KAZN: variants seen among roughly 807,000 people sequenced by gnomAD.
The protein encoded by KAZN is kazrin.
In KAZN, 40 loss-of-function variants were observed where a neutral mutation model predicts 87.4. That is an observed-to-expected ratio of 0.46 (90% confidence interval 0.36 to 0.60). The LOEUF (loss-of-function observed/expected upper bound fraction) is 0.60, where lower values mean the gene tolerates loss of function less well. Among genes scored for constraint, KAZN ranks in the 20% least tolerant of loss-of-function variants. The pLI, the probability that KAZN is intolerant of heterozygous loss-of-function variation, is 0.00. For synonymous variants in KAZN, 466 were observed against 458.3 expected, an observed-to-expected ratio of 1.02 and a Z score of -0.22; for missense variants, 898 against 1,073.9, an observed-to-expected ratio of 0.84 and a Z score of 2.29.
chr1:15,112,568 G>A, intron 14 of KAZN, 27 bp downstream of exon 14: 1 of 761,114 alleles, frequency 1.3e-6, no homozygotes, highest in South Asian at 1.8e-5. Flanking sequence ...ATTTACCTGT[G>A]AGTCCTGCAG....
chr1:14,134,369 C>T (rs1645059518), intron 1 of KAZN, among the ~76,000 whole-genome samples: 2 of 152,184 alleles, frequency 1.3e-5, no homozygotes, highest in Non-Finnish European at 1.5e-5. Flanking sequence ...TTTCACAGAA[C>T]ATTTACTGTG....
At chr1:14,139,590 T>G (rs1417144) in intron 1 of KAZN, among the ~76,000 whole-genome samples, 84,642 of 152,058 alleles carry the variant, frequency 0.56, 24,966 homozygotes, top group East Asian at 0.72. Context: ...TGACCTGATA[T>G]TTTAGTTATT....
chr1:14,929,174 G>A (rs1335212828), intron 1 of KAZN, among the ~76,000 whole-genome samples: 4 of 152,232 alleles, frequency 2.6e-5, no homozygotes, highest in Admixed American at 6.5e-5. Context: ...TGCTACCCAT[G>A]CCATAAGGAA....
intron 2 of KAZN, among the ~76,000 whole-genome samples, chr1:14,309,470 C>G (rs1328809904): frequency 6.6e-6 from 1 of 152,110 alleles, no homozygotes; most frequent in Non-Finnish European, 1.5e-5. Flanking sequence ...CAGCAGTGGC[C>G]AGGACCAGAT....
intron 2 of KAZN, among the ~76,000 whole-genome samples, chr1:14,452,572 G>C (rs78311377): frequency 0.07 from 10,642 of 152,204 alleles, 593 homozygotes; most frequent in South Asian, 0.11. Flanking sequence ...TATATAGCAA[G>C]TGGCCATTTG....
chr1:14,989,483 GAAAA>G (rs1358337844), intron 2 of KAZN, among the ~76,000 whole-genome samples: 1 of 150,904 alleles, frequency 6.6e-6, no homozygotes, highest in Non-Finnish European at 1.5e-5. Flanking sequence ...TTCAAAAAAA[GAAAA>G]AAGAAAAAGG....
chr1:14,624,528 T>A (rs1283783051), intron 1 of KAZN, among the ~76,000 whole-genome samples: 1 of 152,252 alleles, frequency 6.6e-6, no homozygotes, highest in African/African-American at 2.4e-5. Flanking sequence ...TCTGTCATTA[T>A]GTGCAGAAAT....
At chr1:14,369,673 A>G (rs1050773343) in intron 2 of KAZN, among the ~76,000 whole-genome samples, 6 of 152,198 alleles carry the variant, frequency 3.9e-5, no homozygotes, top group Non-Finnish European at 5.9e-5. Context: ...CGAGGAAGGT[A>G]TTTAGCAAAG....
chr1:14,464,198 C>A (rs1263717651), intron 2 of KAZN, among the ~76,000 whole-genome samples: 1 of 152,168 alleles, frequency 6.6e-6, no homozygotes, highest in African/African-American at 2.4e-5. Flanking sequence ...GAGAGTTGAG[C>A]CAGATCAGAG....
At chr1:14,892,561 G>C (rs1431308094) in intron 1 of KAZN, among the ~76,000 whole-genome samples, 2 of 152,128 alleles carry the variant, frequency 1.3e-5, no homozygotes, top group African/African-American at 4.8e-5. Context: ...TTTTCTACAA[G>C]GTCTGCAAAG....
chr1:14,534,382 C>T (rs1396546368), intron 2 of KAZN, among the ~76,000 whole-genome samples: 1 of 152,176 alleles, frequency 6.6e-6, no homozygotes, highest in Non-Finnish European at 1.5e-5. Flanking sequence ...CAATGACTCA[C>T]GCCTGTAATC....
chr1:14,901,214 C>T (rs890903771), intron 1 of KAZN, among the ~76,000 whole-genome samples: 1 of 152,150 alleles, frequency 6.6e-6, no homozygotes, highest in South Asian at 2.1e-4. Context: ...CTGACGTAGA[C>T]CTGAATGGCA....
chr1:14,401,148 T>G (rs143127924), intron 2 of KAZN, among the ~76,000 whole-genome samples: 496 of 152,194 alleles, frequency 3.3e-3, no homozygotes, highest in African/African-American at 0.012. Flanking sequence ...TTCAAGGAAG[T>G]GATGACACTT....
At chr1:14,019,913 C>T (rs186615706) in intron 1 of KAZN, among the ~76,000 whole-genome samples, 43 of 152,112 alleles carry the variant, frequency 2.8e-4, no homozygotes, top group Non-Finnish European at 4.9e-4. Context: ...TTACATTTAT[C>T]GTACACTTTA....
chr1:14,341,597 C>T (rs900597949), intron 2 of KAZN, among the ~76,000 whole-genome samples: 1 of 152,172 alleles, frequency 6.6e-6, no homozygotes, highest in African/African-American at 2.4e-5. Context: ...TCTCTCCACC[C>T]TGGTTCCTAT....
Position 14,528,358 on chromosome 1 carries a change from A to AAAAG in KAZN, c.250-70617_250-70614dup, listed in dbSNP as rs577721991. Among the ~76,000 whole-genome samples the AAAAG allele has an allele frequency of 4.1e-4, 59 of 142,728 alleles. 1 individual carries two copies. The highest frequency in any genetic ancestry group is 1.5e-3 in the African/African-American group (57 of 39,192). The allele number at this position is 142,728 out of a possible 152,430, so 93.6% of individuals were successfully genotyped here. On this transcript the variant is annotated intron_variant, in intron 2 of 16. Coordinates refer to the KAZN transcript ENST00000636203. ...ATCTCAAAAAAAAAAAAAAAAAAAA[A>AAAAG]AAAGAAAGAAAAAAAGGAAAATTAT...
intron 8 of KAZN, among the ~76,000 whole-genome samples, chr1:15,080,977 G>A (rs911970536): frequency 2.6e-5 from 4 of 152,240 alleles, no homozygotes; most frequent in East Asian, 1.9e-4. Context: ...CCCAAATGCC[G>A]AGTGCCAAAG....
intron 2 of KAZN, among the ~76,000 whole-genome samples, chr1:14,454,201 G>A (rs1004165915): frequency 7.9e-5 from 12 of 152,104 alleles, no homozygotes; most frequent in African/African-American, 2.7e-4. Flanking sequence ...GAAAGAGAGG[G>A]GTTTGATTGT....
At chr1:14,002,364 G>T (rs1300197167) in intron 1 of KAZN, among the ~76,000 whole-genome samples, 1 of 152,190 alleles carries the variant, frequency 6.6e-6, no homozygotes, top group African/African-American at 2.4e-5. Flanking sequence ...GGAGGTAATT[G>T]AATCATGGGG....
Sources: gnomAD v4.1 joint callset for allele counts (sites outside exome capture counted in the v4.1 genomes callset) on GRCh38, gnomAD v4.1.1 for gene constraint, MANE v1.5 for transcripts, NCBI Gene and HGNC (gene_info 2026-07-23, HGNC 2026-07-21) for gene names.